LTBP2: variants seen among roughly 807,000 people sequenced by gnomAD.
LTBP2 encodes the protein latent-transforming growth factor beta-binding protein 2.
LTBP2 carries 103 observed loss-of-function variants against 210.6 expected under a neutral mutation model. The ratio of observed to expected loss-of-function variants is 0.49; its 90% CI spans 0.42 to 0.58. LTBP2 has a LOEUF of 0.58. Ranked by LOEUF, LTBP2 falls within the 20% of genes least tolerant of loss-of-function variation. The pLI, the probability that LTBP2 is intolerant of heterozygous loss-of-function variation, is 0.00. For synonymous variants in LTBP2, 1,007 were observed against 1,015.0 expected, an observed-to-expected ratio of 0.99 and a Z score of 0.15; for missense variants, 2,313 against 2,494.5, an observed-to-expected ratio of 0.93 and a Z score of 1.55.
intron 9 of LTBP2, among the ~76,000 whole-genome samples, chr14:74,534,206 C>T (rs908074754): frequency 1.3e-5 from 2 of 152,168 alleles, no homozygotes; most frequent in Admixed American, 1.3e-4. Context: ...GACTTGCTTC[C>T]CTCTGCTTCT....
In LTBP2 at chr14:74,503,214, C is replaced by G. The variant is rs752081578; in HGVS notation, c.4888+5G>C. ...CTGCAGGGTATCCCCTTTGCTCCCC[C>G]TCACCAGAGCTCCTCGGGGGACACA... On this transcript the variant is annotated splice_donor_5th_base_variant and intron_variant, in intron 33 of 35. Coordinates refer to ENST00000261978, the MANE Select transcript of LTBP2 (RefSeq NM_000428.3). The G allele has an allele frequency of 1.9e-6, 3 of 1,613,860 alleles. No individual in the cohort carries two copies. Among genetic ancestry groups the G allele is most frequent in the South Asian group, 2.2e-5 (2 of 91,070 alleles).
rs759972440 is a variant in LTBP2, at chr14:74,603,678, G to A, written c.522C>T (p.Cys174=). ...TGRNVCGGQC[C]PGWTTANSTN... ...TGCTGTTTGCTGTTGTCCATCCTGG[G>A]CAGCACTGTCCCCCGCAGACGTTCC... The change falls in exon 2 of 36, where the codon TGC becomes TGT. Residue 174 remains cysteine, a synonymous_variant. Coordinates refer to ENST00000261978, the MANE Select transcript of LTBP2 (RefSeq NM_000428.3). The A allele has an allele frequency of 7.4e-6, 12 of 1,614,052 alleles. No individual in the cohort carries two copies. The highest frequency in any genetic ancestry group is 1.3e-5 in the African/African-American group (1 of 74,920).
In LTBP2 at chr14:74,611,497, G is replaced by T; in HGVS notation, c.448C>A (p.Arg150=). Residue 150 remains arginine (R), a synonymous_variant, in exon 1 of 36, where the codon CGG becomes AGG. Transcript: ENST00000261978. ...GGGGTTGGGGGCGCAGCCCCAGACC[G>T]CTGTGGGGTCCCCAGGCGTGGGAGA... ...PALPRLGTPQ[R]SGAAPPTPPR... 6.6e-7 allele frequency: 1 copy of T among 1,517,998 alleles called. No homozygotes were observed. The allele number at this position is 1,517,998 out of a possible 1,614,324, so 94.0% of individuals were successfully genotyped here.
intron 13 of LTBP2, 107 bp downstream of exon 13, chr14:74,527,240 T>C: frequency 7.3e-7 from 1 of 1,373,264 alleles, no homozygotes; most frequent in Non-Finnish European, 1.0e-6. Context: ...ATACTCCATC[T>C]TTCTCCCTCT....
rs1300423002 is a variant in LTBP2 at position 74,504,072 on chromosome 14, G to C, written c.4454-18C>G. ...ATCCGCATCTGTGGAAGGCAGAGCT[G>C]AGGTGAGAGGAAGGTGAGAGGCAGT... On this transcript the variant is annotated intron_variant, in intron 30 of 35. Transcript: ENST00000261978. 6.2e-7 allele frequency: 1 copy of C among 1,613,410 alleles called. No individual in the cohort carries two copies. Among genetic ancestry groups the C allele is most frequent in the South Asian group, 1.1e-5 (1 of 90,952 alleles).
intron 18 of LTBP2, among the ~76,000 whole-genome samples, chr14:74,514,498 G>C (rs531980357): frequency 9.2e-5 from 14 of 152,304 alleles, no homozygotes; most frequent in African/African-American, 3.1e-4. Context: ...TCTAACCACA[G>C]ATCAGCCTTT....
chr14:74,518,478 C>T (rs1334467847), intron 17 of LTBP2, among the ~76,000 whole-genome samples: 2 of 152,120 alleles, frequency 1.3e-5, no homozygotes, highest in East Asian at 3.9e-4. Flanking sequence ...GAACAGCTTC[C>T]TACACACCAG....
chr14:74,520,801 AAATGAATG>A (rs36111387), intron 17 of LTBP2, among the ~76,000 whole-genome samples: 38 of 150,030 alleles, frequency 2.5e-4, no homozygotes, highest in South Asian at 6.4e-4. Context: ...ACTCCATCAT[AAATGAATG>A]AATGAATGAA....
At position 74,498,962 on chromosome 14, in the gene LTBP2, G is replaced by A. The variant is rs974946001; in HGVS notation, c.*1922C>T. On this transcript the variant is annotated 3_prime_UTR_variant, in exon 36 of 36. Transcript: ENST00000261978. Reference sequence around the variant, plus strand: ...AAATGATGCAGTAATAACTTCTTACGTATGTCATTTTATATCTGGTGAAAA... The same window carrying A: ...AAATGATGCAGTAATAACTTCTTACATATGTCATTTTATATCTGGTGAAAA... 1 of 222,100 alleles carries A rather than the reference G, an allele frequency of 4.5e-6. No individual in the cohort carries two copies. The allele number at this position is 222,100 out of a possible 1,614,324, so 13.8% of individuals were successfully genotyped here.
chr14:74,503,696 AAG>A (rs1189696163), intron 31 of LTBP2, 90 bp from the exon 32 acceptor site: 4 of 1,552,336 alleles, frequency 2.6e-6, no homozygotes, highest in East Asian at 2.3e-5. Flanking sequence ...ACTGATAATG[AAG>A]AGTTAGTGCC....
intron 3 of LTBP2, among the ~76,000 whole-genome samples, chr14:74,582,079 G>C (rs2088144246): frequency 6.6e-6 from 1 of 150,538 alleles, no homozygotes; most frequent in African/African-American, 2.5e-5. Flanking sequence ...GAGTGCAATG[G>C]TGCCATCTCA....
chr14:74,602,775 C>T (rs2088466284), intron 2 of LTBP2, among the ~76,000 whole-genome samples: 1 of 152,258 alleles, frequency 6.6e-6, no homozygotes, highest in Non-Finnish European at 1.5e-5. Context: ...GCTTTTCTCT[C>T]CTTCGAGCCA....
Position 74,509,379 on chromosome 14 carries a change from G to A in LTBP2, c.3278-16C>T, listed in dbSNP as rs117613718. On this transcript the variant is annotated splice_polypyrimidine_tract_variant and intron_variant, in intron 21 of 35. Coordinates refer to ENST00000261978, the MANE Select transcript of LTBP2 (RefSeq NM_000428.3). ...TCATCTAGGTCTGCAGACAGACAGC[G>A]CTCGCCCGGGGACCTAGGAGGGCTC... 26,463 of 1,612,946 alleles carry A rather than the reference G, an allele frequency of 0.016. 261 individuals carry two copies. The highest frequency in any genetic ancestry group is 0.02 in the Non-Finnish European group (23,164 of 1,179,846).
At chr14:74,593,680 C>T (rs747859063) in intron 2 of LTBP2, among the ~76,000 whole-genome samples, 2 of 152,140 alleles carry the variant, frequency 1.3e-5, no homozygotes, top group Non-Finnish European at 2.9e-5. Flanking sequence ...TTCAAGTGCT[C>T]GATACCCACA....
At chr14:74,533,151 C>T (rs150444099) in intron 9 of LTBP2, among the ~76,000 whole-genome samples, 5 of 152,368 alleles carry the variant, frequency 3.3e-5, no homozygotes, top group South Asian at 2.1e-4. Context: ...AGGCCTCAAG[C>T]GCTAGTGTTT....
intron 3 of LTBP2, among the ~76,000 whole-genome samples, chr14:74,583,304 A>G (rs1394752853): frequency 6.6e-6 from 1 of 152,214 alleles, no homozygotes; most frequent in Non-Finnish European, 1.5e-5. Context: ...GGCTTGTCCA[A>G]GTTGCTATCA....
At position 74,552,320 on chromosome 14, in the gene LTBP2, G is replaced by A. The variant is rs1263270989; in HGVS notation, c.1266C>T (p.Ser422=). The part of the protein sequence containing the change: ...GRDECWCPAN[S]TGKFCHLPIP... ...TAGGCAGGTGGCAGAACTTCCCGGTGGAGTTGGCGGGGCACCAGCATTCGT... is the reference window on the plus strand; with the variant it reads ...TAGGCAGGTGGCAGAACTTCCCGGTAGAGTTGGCGGGGCACCAGCATTCGT... Residue 422 remains serine, a synonymous_variant, in exon 6 of 36, where the codon TCC becomes TCT. Coordinates refer to ENST00000261978, the MANE Select transcript of LTBP2 (RefSeq NM_000428.3). 1.2e-6 allele frequency: 2 copies of A among 1,612,808 alleles called. No homozygotes were observed. Among genetic ancestry groups the A allele is most frequent in the Admixed American group, 3.3e-5 (2 of 60,022 alleles).
intron 15 of LTBP2, 63 bp from the exon 16 acceptor site, chr14:74,522,981 CG>C: frequency 1.3e-6 from 2 of 1,576,406 alleles, no homozygotes; most frequent in Non-Finnish European, 8.6e-7. Flanking sequence ...GGCAGTGGAG[CG>C]GGGTGGGGAC....
At chr14:74,587,791 A>G (rs975351969) in intron 2 of LTBP2, among the ~76,000 whole-genome samples, 1 of 152,144 alleles carries the variant, frequency 6.6e-6, no homozygotes, top group South Asian at 2.1e-4. Context: ...CCAGAATCCA[A>G]ACCAGGGGCT....
Sources: gnomAD v4.1 joint callset for allele counts (sites outside exome capture counted in the v4.1 genomes callset) on GRCh38, gnomAD v4.1.1 for gene constraint, MANE v1.5 for transcripts, NCBI Gene and HGNC (gene_info 2026-07-23, HGNC 2026-07-21) for gene names.